ARHGAP24: variants seen among roughly 807,000 people sequenced by gnomAD.
ARHGAP24 encodes rho GTPase-activating protein 24.
Under a neutral mutation model 76.4 loss-of-function variants are expected in ARHGAP24, and 50 were observed. That is an observed-to-expected ratio of 0.65 (90% confidence interval 0.52 to 0.83). The LOEUF is 0.83. Ranked by LOEUF, ARHGAP24 falls within the 40% of genes least tolerant of loss-of-function variation. The pLI is 0.00. For missense variants in ARHGAP24, 930 were observed against 914.2 expected, an observed-to-expected ratio of 1.02 and a Z score of -0.22; for synonymous variants, 345 against 323.3, an observed-to-expected ratio of 1.07 and a Z score of -0.72.
chr4:85,675,629 A>G (rs1353512904), intron 2 of ARHGAP24, among the ~76,000 whole-genome samples: 1 of 152,214 alleles, frequency 6.6e-6, no homozygotes. Flanking sequence ...GCCAGTAGAA[A>G]GTCCCAGCTC....
intron 2 of ARHGAP24, among the ~76,000 whole-genome samples, chr4:85,715,173 T>C (rs1449761257): frequency 6.6e-6 from 1 of 152,108 alleles, no homozygotes. Flanking sequence ...CTATGGTATT[T>C]ATTATTAGAT....
intron 5 of ARHGAP24, chr4:85,942,517 A>G (rs1386699021): frequency 1.1e-5 from 5 of 468,990 alleles, no homozygotes; most frequent in South Asian, 3.1e-5. Flanking sequence ...CTTTGGTACT[A>G]AAGTAAAACT....
At chr4:85,531,882 T>C (rs545817887) in intron 1 of ARHGAP24, among the ~76,000 whole-genome samples, 3 of 152,196 alleles carry the variant, frequency 2.0e-5, no homozygotes, top group Non-Finnish European at 2.9e-5. Flanking sequence ...ATATCAATGA[T>C]CAATTCCCAT....
chr4:85,845,789 G>A (rs1181146185), intron 3 of ARHGAP24, among the ~76,000 whole-genome samples: 1 of 152,160 alleles, frequency 6.6e-6, no homozygotes, highest in Non-Finnish European at 1.5e-5. Context: ...TGGGTATTGG[G>A]AGGATTACAC....
intron 2 of ARHGAP24, among the ~76,000 whole-genome samples, chr4:85,644,857 A>G (rs961301989): frequency 2.6e-5 from 4 of 152,110 alleles, no homozygotes; most frequent in Admixed American, 6.6e-5. Context: ...AAGATCTGGT[A>G]AAATCTCATT....
At chr4:85,912,693 A>G (rs74746106) in intron 3 of ARHGAP24, among the ~76,000 whole-genome samples, 2,335 of 152,312 alleles carry the variant, frequency 0.015, 66 homozygotes, top group African/African-American at 0.053. Flanking sequence ...AAGTTGTTCC[A>G]ATTAAATAAC....
At chr4:85,930,268 C>T in intron 4 of ARHGAP24, 1 of 985,506 alleles carries the variant, frequency 1.0e-6, no homozygotes, top group Non-Finnish European at 1.2e-6. Flanking sequence ...CGTTGTGATT[C>T]TCTCGGGAGT....
chr4:85,981,354 C>A (rs988404127), intron 8 of ARHGAP24, among the ~76,000 whole-genome samples: 1 of 152,182 alleles, frequency 6.6e-6, no homozygotes, highest in African/African-American at 2.4e-5. Flanking sequence ...TATTCAAAAC[C>A]TTGAGCTTGA....
chr4:85,825,991 A>G (rs1729694451), intron 3 of ARHGAP24, among the ~76,000 whole-genome samples: 1 of 152,166 alleles, frequency 6.6e-6, no homozygotes, highest in South Asian at 2.1e-4. Flanking sequence ...GCTTATCTGT[A>G]AAATAAGAAT....
chr4:85,705,409 T>C (rs1724275946), intron 2 of ARHGAP24, among the ~76,000 whole-genome samples: 2 of 152,186 alleles, frequency 1.3e-5, no homozygotes, highest in Admixed American at 6.5e-5. Context: ...CTTGAATGAA[T>C]ATAATATGAC....
chr4:85,859,034 G>T (rs1188048632), intron 3 of ARHGAP24, among the ~76,000 whole-genome samples: 2 of 152,036 alleles, frequency 1.3e-5, no homozygotes, highest in African/African-American at 4.8e-5. Context: ...CTGCTTTTGG[G>T]TCTTAGGCAA....
intron 3 of ARHGAP24, among the ~76,000 whole-genome samples, chr4:85,867,783 T>C (rs1190434459): frequency 6.7e-6 from 1 of 150,150 alleles, no homozygotes; most frequent in East Asian, 1.9e-4. Flanking sequence ...TTAGATCATC[T>C]AGATTATTTT....
chr4:85,499,498 C>A (rs1290210368), intron 1 of ARHGAP24, among the ~76,000 whole-genome samples: 1 of 152,134 alleles, frequency 6.6e-6, no homozygotes, highest in African/African-American at 2.4e-5. Context: ...TCTTTGGTGA[C>A]GATTCAAGGT....
At chr4:85,648,040 C>A (rs534293652) in intron 2 of ARHGAP24, among the ~76,000 whole-genome samples, 4 of 152,032 alleles carry the variant, frequency 2.6e-5, no homozygotes, top group Non-Finnish European at 5.9e-5. Flanking sequence ...TGCATAAATG[C>A]GTCTAAGTAA....
chr4:85,502,132 A>G (rs1477493699), intron 1 of ARHGAP24, among the ~76,000 whole-genome samples: 1 of 152,112 alleles, frequency 6.6e-6, no homozygotes, highest in Non-Finnish European at 1.5e-5. Flanking sequence ...GTAGCCTTGT[A>G]GTATAGTTTG....
chr4:85,554,708 C>A (rs1313591333), intron 1 of ARHGAP24, among the ~76,000 whole-genome samples: 4 of 152,084 alleles, frequency 2.6e-5, no homozygotes, highest in Non-Finnish European at 4.4e-5. Flanking sequence ...GTCACCCAGG[C>A]TGGAGTGTTT....
intron 3 of ARHGAP24, among the ~76,000 whole-genome samples, chr4:85,734,824 C>T (rs1469956190): frequency 1.3e-5 from 2 of 151,838 alleles, no homozygotes; most frequent in African/African-American, 2.4e-5. Context: ...AGACAAGTAA[C>T]TCATTCCACT....
chr4:85,676,300 G>A (rs1005468635), intron 2 of ARHGAP24, among the ~76,000 whole-genome samples: 2 of 152,190 alleles, frequency 1.3e-5, no homozygotes, highest in African/African-American at 4.8e-5. Context: ...GCAACAAAAA[G>A]CCATATCAAA....
At chr4:85,833,261 C>G (rs1382342267) in intron 3 of ARHGAP24, among the ~76,000 whole-genome samples, 2 of 152,156 alleles carry the variant, frequency 1.3e-5, no homozygotes, top group African/African-American at 4.8e-5. Context: ...TGTGCTGGCC[C>G]TTTGAAGTTG....
Sources: allele counts gnomAD v4.1 joint callset (sites outside exome capture counted in the v4.1 genomes callset), GRCh38; gene constraint gnomAD v4.1.1; transcripts MANE v1.5; gene names NCBI Gene and HGNC (gene_info 2026-07-23, HGNC 2026-07-21).